Variants in TLR10 observed in about 807,000 individuals in gnomAD.
The protein encoded by TLR10 is toll like receptor 10.
For synonymous variants in TLR10, 288 were observed against 338.8 expected, an observed-to-expected ratio of 0.85 and a Z score of 1.65; for missense variants, 929 against 932.9, an observed-to-expected ratio of 1.00 and a Z score of 0.05.
intron 1 of TLR10, among the ~76,000 whole-genome samples, chr4:38,780,644 C>T (rs1259311098): frequency 1.0e-5 from 1 of 95,496 alleles, no homozygotes; most frequent in African/African-American, 3.9e-5. Context: ...GGTCAAGACT[C>T]GGGTGAAGCA....
In TLR10 at chr4:38,776,255, A is replaced by T. The variant is rs1404814341; in HGVS notation, c.-397T>A. 4.5e-6 allele frequency: 1 copy of T among 220,960 alleles called. No individual in the cohort carries two copies. The highest frequency in any genetic ancestry group is 1.1e-4 in the East Asian group (1 of 9,106). 13.7% of individuals were successfully genotyped at this position (220,960 alleles called of 1,614,324 possible). A position where few individuals can be genotyped will look rare whatever the true frequency, so the allele number is the denominator to read the frequency against. ...TTGAAAAACAATTTCCAGGTGTGAC[A>T]TGTTGCCAGCTTCTCCACAGATAGG... On this transcript the variant is annotated 5_prime_UTR_variant, in exon 2 of 4. The change abolishes an upstream ATG in the 5' untranslated region. Coordinates refer to ENST00000308973, the MANE Select transcript of TLR10 (RefSeq NM_030956.4).
intron 1 of TLR10, among the ~76,000 whole-genome samples, chr4:38,781,105 T>C (rs80160711): frequency 0.013 from 2,054 of 152,312 alleles, 58 homozygotes; most frequent in African/African-American, 0.047. Flanking sequence ...CTTTTTGAAC[T>C]TCTCTTAATA....
rs1725026092 is a variant in TLR10, at chr4:38,775,782, T to C, written c.-70A>G. On this transcript the variant is annotated 5_prime_UTR_variant, in exon 3 of 4. Transcript: ENST00000308973. ...TTGGAGTAAGGTTCCAACCTGTATA[T>C]TGGGTCTTCGACTTGATCTCAGAGC... is the stretch of plus-strand genomic sequence containing the variant. 2 of 500,970 alleles carry C rather than the reference T, an allele frequency of 4.0e-6. No individual in the cohort carries two copies. Among genetic ancestry groups the C allele is most frequent in the South Asian group, 7.5e-5 (2 of 26,794 alleles). 31.0% of individuals were successfully genotyped at this position (500,970 alleles called of 1,614,324 possible).
chr4:38,778,546 G>T (rs1030911023), intron 1 of TLR10, among the ~76,000 whole-genome samples: 1 of 152,156 alleles, frequency 6.6e-6, no homozygotes, highest in African/African-American at 2.4e-5. Flanking sequence ...ACACTATAGC[G>T]TAACTTGTGC....
intron 1 of TLR10, among the ~76,000 whole-genome samples, chr4:38,782,609 G>A (rs757837994): frequency 6.6e-6 from 1 of 152,118 alleles, no homozygotes; most frequent in African/African-American, 2.4e-5. Context: ...ATACGCTGTG[G>A]GGAAATAAGA....
At position 38,774,017 on chromosome 4, in the gene TLR10, C is replaced by T. The variant is rs750252365; in HGVS notation, c.1574G>A (p.Arg525Gln). 1.7e-5 allele frequency: 27 copies of T among 1,606,008 alleles called. No individual in the cohort carries two copies. The highest frequency in any genetic ancestry group is 2.7e-5 in the African/African-American group (2 of 74,608). The stretch of plus-strand genomic sequence containing the variant: ...GAAATTTTTTAATTCACAGGTACAC[C>T]GGAATGGATTTCTTCCCGCATTTAG... ...KTLNAGRNPF[R>Q]CTCELKNFIQ... Residue 525 changes from arginine to glutamine, a missense_variant, in exon 4 of 4, where the codon CGG (arginine) becomes CAG (glutamine). Transcript: ENST00000308973.
At position 38,774,968 on chromosome 4, in the gene TLR10, C is replaced by G. The variant is rs147715812; in HGVS notation, c.623G>C (p.Arg208Pro). The stretch of plus-strand genomic sequence containing the variant: ...TATTTTTGAAGTCTTGATTCCATCA[C>G]GCAAAAGAACCCAGAAATTTGTGTC... ...PMDTNFWVLL[R>P]DGIKTSKILE... The change falls in exon 4 of 4, where the codon CGT becomes CCT. Residue 208 changes from arginine to proline, a missense_variant. Coordinates refer to ENST00000308973, the MANE Select transcript of TLR10 (RefSeq NM_030956.4). 7 of 1,613,376 alleles carry G rather than the reference C, an allele frequency of 4.3e-6. No individual in the cohort carries two copies. The highest frequency in any genetic ancestry group is 5.9e-6 in the Non-Finnish European group (7 of 1,179,826).
chr4:38,776,189 G>A lies in TLR10; in HGVS notation c.-331C>T, dbSNP rs189520393. On this transcript the variant is annotated 5_prime_UTR_variant, in exon 2 of 4. Coordinates refer to ENST00000308973, the MANE Select transcript of TLR10 (RefSeq NM_030956.4). ...GCCTCTATATGTCTTCAGGTTGGTG[G>A]CAAAAGCAATCTGGATTACTGCCAA... is the stretch of plus-strand genomic sequence containing the variant. The A allele has an allele frequency of 1.1e-5, 2 of 176,308 alleles. No individual in the cohort carries two copies. The highest frequency in any genetic ancestry group is 2.4e-5 in the African/African-American group (1 of 41,856). The allele number at this position is 176,308 out of a possible 1,614,324, so 10.9% of individuals were successfully genotyped here.
At position 38,773,904 on chromosome 4, in the gene TLR10, T is replaced by C; in HGVS notation, c.1687A>G (p.Arg563Gly). The C allele has an allele frequency of 6.3e-7, 1 of 1,591,704 alleles. No homozygotes were observed. Among genetic ancestry groups the C allele is most frequent in the South Asian group, 1.2e-5 (1 of 86,578 alleles). The change falls in exon 4 of 4, where the codon AGG (arginine) becomes GGG (glycine). Residue 563 changes from arginine (R) to glycine (G), a missense_variant. Transcript: ENST00000308973. ...CEYPLNLRGT[R>G]LKDVHLHELS... ...TCGTGGAGATGAACGTCTTTTAACC[T>C]AGTTCCCCTTAGGTTTAAAGGGTAT... is the stretch of plus-strand genomic sequence containing the variant.
At position 38,774,802 on chromosome 4, in the gene TLR10, T is replaced by C; in HGVS notation, c.789A>G (p.Leu263=). 3 of 1,598,152 alleles carry C rather than the reference T, an allele frequency of 1.9e-6. No individual in the cohort carries two copies. The highest frequency in any genetic ancestry group is 1.1e-5 in the South Asian group (1 of 87,860). Residue 263 remains leucine (L), a synonymous_variant, in exon 4 of 4, where the codon TTA becomes TTG. Coordinates refer to ENST00000308973, the MANE Select transcript of TLR10 (RefSeq NM_030956.4). The part of the protein sequence containing the change: ...DLLWDDLFLI[L]QFVWHTSVEH... ...CCACTGATGTATGCCAAACAAATTGTAAGATAAGGAAAAGGTCGTCCCAGA... is the reference window on the plus strand; with the variant it reads ...CCACTGATGTATGCCAAACAAATTGCAAGATAAGGAAAAGGTCGTCCCAGA...
In TLR10 at chr4:38,775,231, C is replaced by G. The variant is rs1310361810; in HGVS notation, c.360G>C (p.Arg120Ser). ...AGTCATTAAAAGAAAGATCTAAATA[C>G]CTGAGACCTGCCAGTAAATACCAAG... ...SVTWYLLAGL[R>S]YLDLSFNDFD... The change falls in exon 4 of 4, where the codon AGG (arginine) becomes AGC (serine). Residue 120 changes from arginine to serine, a missense_variant. Transcript: ENST00000308973. 2.5e-6 allele frequency: 4 copies of G among 1,613,238 alleles called. No individual in the cohort carries two copies. Among genetic ancestry groups the G allele is most frequent in the Non-Finnish European group, 3.4e-6 (4 of 1,179,748 alleles).
rs571571499 is a variant in TLR10 at position 38,775,764 on chromosome 4, A to G, written c.-63+11T>C. The stretch of plus-strand genomic sequence containing the variant: ...ACTACATTCATCAAGAGGTTGGAGT[A>G]AGGTTCCAACCTGTATATTGGGTCT... On this transcript the variant is annotated intron_variant, in intron 3 of 3. Coordinates refer to ENST00000308973, the MANE Select transcript of TLR10 (RefSeq NM_030956.4). The G allele has an allele frequency of 7.4e-5, 45 of 611,916 alleles. 1 individual carries two copies. The South Asian group carries it at 1.2e-3, about 17-fold the overall frequency. The allele number at this position is 611,916 out of a possible 1,614,324, so 37.9% of individuals were successfully genotyped here. A position where few individuals can be genotyped will look rare whatever the true frequency, so the allele number is the denominator to read the frequency against.
chr4:38,776,856 G>T (rs1316207117), intron 1 of TLR10, among the ~76,000 whole-genome samples: 2 of 152,138 alleles, frequency 1.3e-5, no homozygotes, highest in South Asian at 2.1e-4. Context: ...AATTCCACAT[G>T]CCTGGGGAGG....
chr4:38,782,819 T>G (rs1725490499), intron 1 of TLR10, 102 bp downstream of exon 1: 1 of 152,150 alleles, frequency 6.6e-6, no homozygotes, highest in Non-Finnish European at 1.5e-5. Context: ...CCTACTTCCC[T>G]CCCCTCAATA....
In TLR10 at chr4:38,773,196, G is replaced by A. The variant is rs749631985; in HGVS notation, c.2395C>T (p.Arg799Ter). Reference protein sequence around the residue: ...QTFTELNEESRGSTISLMRTD... With the variant: ...QTFTELNEES ...CTCATCAGAGAGATTGTAGAACCTC[G>A]AGACTCTTCATTTAACTCTGTGAAT... The change falls in exon 4 of 4, where the codon CGA (arginine) becomes TGA (stop). Residue 799 changes from arginine (R) to a stop codon, truncating the protein, a stop_gained. Coordinates refer to ENST00000308973, the MANE Select transcript of TLR10 (RefSeq NM_030956.4). LOFTEE classifies it high-confidence loss of function. 79 of 1,555,968 alleles carry A rather than the reference G, an allele frequency of 5.1e-5. No homozygotes were observed. Among genetic ancestry groups the A allele is most frequent in the Non-Finnish European group, 6.4e-5 (74 of 1,156,272 alleles).
At position 38,774,725 on chromosome 4, in the gene TLR10, T is replaced by A. The variant is rs1459766827; in HGVS notation, c.866A>T (p.His289Leu). Residue 289 changes from histidine (H) to leucine (L), a missense_variant, in exon 4 of 4, where the codon CAC becomes CTC. Coordinates refer to ENST00000308973, the MANE Select transcript of TLR10 (RefSeq NM_030956.4). ...VTFGGKAYLD[H>L]NSFDYSNTVM... ...AGTATTTGAGTAGTCAAATGAATTGTGGTCAAGATAAGCCTTACCACCAAA... is the reference window on the plus strand; with the variant it reads ...AGTATTTGAGTAGTCAAATGAATTGAGGTCAAGATAAGCCTTACCACCAAA... 3 of 1,588,904 alleles carry A rather than the reference T, an allele frequency of 1.9e-6. No homozygotes were observed. The highest frequency in any genetic ancestry group is 1.7e-6 in the Non-Finnish European group (2 of 1,171,198).
intron 1 of TLR10, among the ~76,000 whole-genome samples, chr4:38,777,392 A>C (rs1020736994): frequency 2.0e-5 from 3 of 152,186 alleles, no homozygotes; most frequent in Non-Finnish European, 4.4e-5. Flanking sequence ...GAATCAGAGA[A>C]GAGGTCGGAT....
rs369713541 is a variant in TLR10, at chr4:38,773,457, A to G, written c.2134T>C (p.Phe712Leu). ...TCATGGAAGAGATTGTGGTGGGCAA[A>G]GTAGAATTCATAATGGCACCACTCA... The part of the protein sequence containing the change: ...QNEWCHYEFY[F>L]AHHNLFHENS... Residue 712 changes from phenylalanine to leucine, a missense_variant, in exon 4 of 4, where the codon TTT becomes CTT. Transcript: ENST00000308973. 3 of 1,611,944 alleles carry G rather than the reference A, an allele frequency of 1.9e-6. No individual in the cohort carries two copies. The African/African-American group carries it at 4.0e-5, about 22-fold the overall frequency.
chr4:38,774,527 A>G lies in TLR10; in HGVS notation c.1064T>C (p.Phe355Ser), dbSNP rs146435411. The change falls in exon 4 of 4, where the codon TTT (phenylalanine) becomes TCT (serine). Residue 355 changes from phenylalanine (F) to serine (S), a missense_variant. Transcript: ENST00000308973. Reference sequence around the variant, plus strand: ...CTCGTCTGTTAAGATATTATTGGCAAAATTTAAATATTGGAATTTCGTAGG... The same window carrying G: ...CTCGTCTGTTAAGATATTATTGGCAGAATTTAAATATTGGAATTTCGTAGG... ...NYPTKFQYLN[F>S]ANNILTDELF... 4.4e-6 allele frequency: 7 copies of G among 1,583,272 alleles called. No individual in the cohort carries two copies. The highest frequency in any genetic ancestry group is 1.7e-4 in the Middle Eastern group (1 of 5,876).
Sources: gnomAD v4.1 joint callset for allele counts (sites outside exome capture counted in the v4.1 genomes callset) on GRCh38, gnomAD v4.1.1 for gene constraint, MANE v1.5 for transcripts, NCBI Gene and HGNC (gene_info 2026-07-23, HGNC 2026-07-21) for gene names.